Variants in CHD2 observed in about 807,000 individuals in gnomAD.
CHD2 encodes ATP-dependent chromatin remodeler CHD2.
Under a neutral mutation model 243.9 loss-of-function variants are expected in CHD2, and 28 were observed. The ratio of observed to expected loss-of-function variants is 0.11; its 90% CI spans 0.09 to 0.16. The LOEUF is 0.16. CHD2 is among the 10% of genes least tolerant of loss of function. CHD2 has a pLI of 1.00. For missense variants in CHD2, 1,386 were observed against 2,209.8 expected (o/e 0.63, Z 7.47); for synonymous variants, 775 against 779.0 (o/e 0.99, Z 0.09).
chr15:93,013,822 C>T (rs887678983), intron 36 of CHD2, among the ~76,000 whole-genome samples: 1 of 150,350 alleles, frequency 6.7e-6, no homozygotes, highest in African/African-American at 2.4e-5. Context: ...GTAGCCCCAG[C>T]CCCTCAGGAG....
At chr15:92,966,066 CTTTTTTTTTTTT>C (rs533059554) in intron 16 of CHD2, among the ~76,000 whole-genome samples, 1 of 132,930 alleles carries the variant, frequency 7.5e-6, no homozygotes, top group Admixed American at 7.6e-5. Context: ...TTTTTCTTTT[CTTTTTTTTTTTT>C]TTTTTGAGAC....
chr15:92,934,326 A>G (rs1413124855), intron 5 of CHD2, among the ~76,000 whole-genome samples: 2 of 152,228 alleles, frequency 1.3e-5, no homozygotes, highest in Non-Finnish European at 2.9e-5. Context: ...GTCTATTTAC[A>G]TTGCCTTGGG....
chr15:93,023,556 G>A (rs554759280), intron 38 of CHD2, among the ~76,000 whole-genome samples: 16 of 152,046 alleles, frequency 1.1e-4, no homozygotes, highest in African/African-American at 3.4e-4. Flanking sequence ...TATTCTTTAC[G>A]TTTTTAGGAA....
intron 32 of CHD2, among the ~76,000 whole-genome samples, chr15:93,001,753 G>A (rs780931115): frequency 4.6e-5 from 7 of 152,142 alleles, no homozygotes; most frequent in Non-Finnish European, 7.4e-5. Flanking sequence ...CTGACCTCAG[G>A]TGACAGGTCT....
chr15:93,014,569 G>T, intron 36 of CHD2, 127 bp from the exon 37 acceptor site: 1 of 751,792 alleles, frequency 1.3e-6, no homozygotes, highest in East Asian at 2.6e-5. Context: ...TTGTTAGGAG[G>T]TAGTAAACGC....
chr15:93,013,371 G>A (rs1228135579), intron 36 of CHD2, among the ~76,000 whole-genome samples: 1 of 152,216 alleles, frequency 6.6e-6, no homozygotes. Context: ...AAATTAGGAA[G>A]AGGGTCTGAA....
Position 93,013,300 on chromosome 15 carries a change from A to G in CHD2, c.4692+856A>G, listed in dbSNP as rs1197384306. 2.8e-5 allele frequency among the ~76,000 whole-genome samples: 4 copies of G among 143,596 alleles called. No individual in the cohort carries two copies. In the Admixed American group the frequency reaches 2.9e-4, roughly 10 times the overall value. The allele number at this position is 143,596 out of a possible 152,430, so 94.2% of individuals were successfully genotyped here. ...CATTATAAAAAGTCTATAAATGGAT[A>G]GTCCGGAAAGGCCCCAGGAGGGAAT... is the stretch of plus-strand genomic sequence containing the variant. On this transcript the variant is annotated intron_variant, in intron 36 of 38. Coordinates refer to ENST00000394196, the MANE Select transcript of CHD2 (RefSeq NM_001271.4).
Position 92,972,501 on chromosome 15 carries a change from T to A in CHD2, c.2505+84T>A. 2.5e-6 allele frequency: 3 copies of A among 1,196,564 alleles called. No homozygotes were observed. In the South Asian group the frequency reaches 5.5e-5, roughly 22 times the overall value. 74.1% of individuals were successfully genotyped at this position (1,196,564 alleles called of 1,614,324 possible). A position where few individuals can be genotyped will look rare whatever the true frequency, so the allele number is the denominator to read the frequency against. On this transcript the variant is annotated intron_variant, in intron 19 of 38. Coordinates refer to ENST00000394196, the MANE Select transcript of CHD2 (RefSeq NM_001271.4). ...CCCAACCTTCCTACACTGGGTTGTATGCTTTGCTTGTTAAAGTAGGAAGTA... is the reference window on the plus strand; with the variant it reads ...CCCAACCTTCCTACACTGGGTTGTAAGCTTTGCTTGTTAAAGTAGGAAGTA...
intron 14 of CHD2, chr15:92,954,430 G>GT (rs2053592927): frequency 6.6e-6 from 1 of 152,268 alleles, no homozygotes; most frequent in South Asian, 2.1e-4. Context: ...CATTAGCAAT[G>GT]TTTAAATATT....
intron 3 of CHD2, among the ~76,000 whole-genome samples, chr15:92,926,419 G>A (rs2053063037): frequency 2.0e-5 from 3 of 152,078 alleles, no homozygotes; most frequent in Admixed American, 2.0e-4. Context: ...CTTAATTTCT[G>A]TTACACCTTT....
chr15:92,989,025 CTTTTTTT>C (rs34298248), intron 26 of CHD2, among the ~76,000 whole-genome samples: 2 of 76,512 alleles, frequency 2.6e-5, no homozygotes, highest in East Asian at 4.5e-4. Flanking sequence ...ATACTTCATA[CTTTTTTT>C]TTTTTTTTTT....
At chr15:93,023,512 T>G (rs2054557413) in intron 38 of CHD2, among the ~76,000 whole-genome samples, 1 of 152,218 alleles carries the variant, frequency 6.6e-6, no homozygotes, top group South Asian at 2.1e-4. Context: ...GTTTTCAGTT[T>G]TGGATATGTG....
At chr15:92,938,922 G>A (rs2053311719) in intron 6 of CHD2, among the ~76,000 whole-genome samples, 1 of 152,164 alleles carries the variant, frequency 6.6e-6, no homozygotes, top group Non-Finnish European at 1.5e-5. Context: ...TACACATACA[G>A]TAAAAACTTA....
chr15:92,977,074 G>A (rs1056939618), intron 20 of CHD2, among the ~76,000 whole-genome samples: 4 of 152,100 alleles, frequency 2.6e-5, no homozygotes, highest in Admixed American at 6.5e-5. Context: ...GCTAAAGAGT[G>A]ATATAGCAGA....
chr15:92,923,230 T>C (rs1421059637), intron 2 of CHD2, among the ~76,000 whole-genome samples: 1 of 152,178 alleles, frequency 6.6e-6, no homozygotes, highest in Non-Finnish European at 1.5e-5. Flanking sequence ...CCAGTTTGCA[T>C]TCTTCCTCTT....
intron 2 of CHD2, chr15:92,904,756 A>G (rs927006485): frequency 2.1e-6 from 3 of 1,395,838 alleles, no homozygotes; most frequent in African/African-American, 1.5e-5. Context: ...TTCCCTTTTC[A>G]TACCTTAGCG....
At chr15:92,978,509 T>C in intron 21 of CHD2, 126 bp downstream of exon 21, 1 of 951,918 alleles carries the variant, frequency 1.1e-6, no homozygotes, top group Admixed American at 2.8e-5. Context: ...AAGCATTGAT[T>C]TCTGTTTGTT....
At chr15:92,906,952 A>T (rs1488600815) in intron 2 of CHD2, among the ~76,000 whole-genome samples, 11 of 152,178 alleles carry the variant, frequency 7.2e-5, no homozygotes, top group Non-Finnish European at 1.6e-4. Flanking sequence ...CTTGTTTTGG[A>T]ACTTTAGGGT....
intron 33 of CHD2, among the ~76,000 whole-genome samples, chr15:93,003,980 TG>T (rs2054289296): frequency 6.6e-6 from 1 of 151,846 alleles, no homozygotes; most frequent in Non-Finnish European, 1.5e-5. Context: ...AAAAAATAGC[TG>T]GGTGTGGTGG....
Sources: allele counts gnomAD v4.1 joint callset (sites outside exome capture counted in the v4.1 genomes callset), GRCh38; gene constraint gnomAD v4.1.1; transcripts MANE v1.5; gene names NCBI Gene and HGNC (gene_info 2026-07-23, HGNC 2026-07-21).